The following CDC40 variants were observed in gnomAD, a reference collection of about 807,000 sequenced individuals.
The protein encoded by CDC40 is cell division cycle 40.
Under a neutral mutation model 80.6 loss-of-function variants are expected in CDC40, and 27 were observed. The ratio of observed to expected loss-of-function variants is 0.33; its 90% confidence interval spans 0.25 to 0.46. The LOEUF is 0.46. Among genes scored for constraint, CDC40 ranks in the 20% least tolerant of loss-of-function variants. The pLI is 1.00. For missense variants in CDC40, 486 were observed against 694.1 expected (o/e 0.70, Z 3.37); for synonymous variants, 221 against 232.6 (o/e 0.95, Z 0.45).
intron 1 of CDC40, among the ~76,000 whole-genome samples, chr6:110,181,589 T>G (rs1000496431): frequency 1.3e-5 from 2 of 152,272 alleles, no homozygotes; most frequent in Admixed American, 1.3e-4. Context: ...TGGACATCTG[T>G]CATGAAAGAA....
chr6:110,227,431 C>T (rs1249971833), intron 13 of CDC40, among the ~76,000 whole-genome samples: 1 of 152,082 alleles, frequency 6.6e-6, no homozygotes, highest in Non-Finnish European at 1.5e-5. Context: ...CTAACTGAAC[C>T]TTTTTTTGAT....
intron 2 of CDC40, among the ~76,000 whole-genome samples, chr6:110,197,682 A>AT (rs1183157988): frequency 1.5e-5 from 2 of 137,158 alleles, no homozygotes; most frequent in African/African-American, 5.5e-5. Context: ...GGATCATGTG[A>AT]TACTTGTCCC....
intron 1 of CDC40, among the ~76,000 whole-genome samples, chr6:110,183,476 G>C (rs1777226476): frequency 6.6e-6 from 1 of 152,200 alleles, no homozygotes; most frequent in African/African-American, 2.4e-5. Context: ...AGGAGGAAAG[G>C]CTGCGTAAGG....
rs902051938 is a variant in CDC40 at position 110,193,636 on chromosome 6, A to T, written c.276+368A>T. On this transcript the variant is annotated intron_variant, in intron 2 of 14. Transcript: ENST00000307731. ...TAGCCAGGATGGTCTCAATCTCCTG[A>T]CCTCATGATCCGCCCTCCTGGGCCT... Among the ~76,000 whole-genome samples the T allele has an allele frequency of 2.6e-5, 4 of 152,004 alleles. No individual in the cohort carries two copies. The East Asian group carries it at 7.7e-4, about 29-fold the overall frequency.
chr6:110,217,441 C>T (rs562274266), intron 9 of CDC40, among the ~76,000 whole-genome samples: 3 of 152,254 alleles, frequency 2.0e-5, no homozygotes, highest in African/African-American at 7.2e-5. Context: ...AAAGTTAAAC[C>T]TTTTCCTCTT....
At chr6:110,216,999 C>T (rs768706180) in intron 9 of CDC40, among the ~76,000 whole-genome samples, 7 of 152,006 alleles carry the variant, frequency 4.6e-5, no homozygotes, top group Non-Finnish European at 8.8e-5. Flanking sequence ...CCCAGCTACT[C>T]GAAAAGCTGA....
chr6:110,207,247 G>A (rs192659145), intron 3 of CDC40, among the ~76,000 whole-genome samples: 14 of 151,158 alleles, frequency 9.3e-5, no homozygotes, highest in African/African-American at 2.7e-4. Flanking sequence ...CCTGGAAGGC[G>A]GAGGTTGCAG....
intron 4 of CDC40, 78 bp from the exon 5 acceptor site, chr6:110,209,004 CAT>C (rs754307648): frequency 2.7e-5 from 23 of 863,670 alleles, no homozygotes; most frequent in Non-Finnish European, 3.7e-5. Flanking sequence ...TAAAATTAAA[CAT>C]ATGTTCATAT....
intron 1 of CDC40, among the ~76,000 whole-genome samples, chr6:110,188,475 A>G (rs1285377870): frequency 6.6e-6 from 1 of 152,210 alleles, no homozygotes; most frequent in African/African-American, 2.4e-5. Context: ...AGGGTGATAT[A>G]GATAATATTT....
chr6:110,225,452 T>G (rs1275452613), intron 12 of CDC40, among the ~76,000 whole-genome samples: 2 of 144,556 alleles, frequency 1.4e-5, no homozygotes, highest in African/African-American at 2.6e-5. Flanking sequence ...CACATGAGGT[T>G]TTTTTTTTTT....
chr6:110,228,919 T>G lies in CDC40; in HGVS notation c.1505T>G (p.Phe502Cys), dbSNP rs779945821. 7 of 1,607,692 alleles carry G rather than the reference T, an allele frequency of 4.4e-6. No homozygotes were observed. Among genetic ancestry groups the G allele is most frequent in the African/African-American group, 1.3e-5 (1 of 74,556 alleles). Residue 502 changes from phenylalanine to cysteine, a missense_variant, in exon 14 of 15, where the codon TTT becomes TGT. This residue lies in a region of CDC40 where 88 missense variants were observed against 138.7 expected (regional missense o/e 0.63). Coordinates refer to ENST00000307731, the MANE Select transcript of CDC40 (RefSeq NM_015891.3). Reference sequence around the variant, plus strand: ...TTTAGATTAAATAAGAAAAAAATTTTTAAGGGCCATATGGTAGCAGGCTAT... The same window carrying G: ...TTTAGATTAAATAAGAAAAAAATTTGTAAGGGCCATATGGTAGCAGGCTAT... ...NRFRLNKKKI[F>C]KGHMVAGYAC...
intron 3 of CDC40, among the ~76,000 whole-genome samples, chr6:110,204,800 C>T (rs1381531803): frequency 1.3e-5 from 2 of 151,520 alleles, no homozygotes; most frequent in Non-Finnish European, 2.9e-5. Flanking sequence ...GCTGGAATTA[C>T]AGGCATGAAC....
At position 110,201,588 on chromosome 6, in the gene CDC40, C is replaced by A. The variant is rs778044418; in HGVS notation, c.307C>A (p.Gln103Lys). 1.1e-5 allele frequency: 18 copies of A among 1,611,286 alleles called. No homozygotes were observed. The highest frequency in any genetic ancestry group is 1.4e-5 in the Non-Finnish European group (17 of 1,177,906). Residue 103 changes from glutamine to lysine, a missense_variant, in exon 3 of 15, where the codon CAA (glutamine) becomes AAA (lysine). Physicochemically the swap from Gln to Lys is moderately conservative, Grantham distance 53. Around this residue, in one of 3 missense-constraint regions of CDC40, gnomAD observed 381 missense variants for 492.1 expected, o/e 0.77. Coordinates refer to ENST00000307731, the MANE Select transcript of CDC40 (RefSeq NM_015891.3). ...ACCAGAAAATCCCTTTAGGACACAG[C>A]AAATGGCTGCCCCTAGAAATATGCT... ...FGPENPFRTQQMAAPRNMLSG... is the reference protein window; with the variant it reads ...FGPENPFRTQKMAAPRNMLSG...
At chr6:110,210,237 T>C (rs888789394) in intron 5 of CDC40, among the ~76,000 whole-genome samples, 3 of 151,610 alleles carry the variant, frequency 2.0e-5, no homozygotes, top group African/African-American at 7.3e-5. Context: ...ATTTCATAAT[T>C]TGTGGAAGAG....
intron 3 of CDC40, among the ~76,000 whole-genome samples, chr6:110,203,423 C>T (rs1777517754): frequency 6.6e-6 from 1 of 152,088 alleles, no homozygotes; most frequent in African/African-American, 2.4e-5. Context: ...CGTTACCTTC[C>T]CTCATTTGCA....
At position 110,217,777 on chromosome 6, in the gene CDC40, A is replaced by G. The variant is rs1470304977; in HGVS notation, c.1064A>G (p.Tyr355Cys). The stretch of plus-strand genomic sequence containing the variant: ...TTCCTCAGTGCAGCCTATGACAGGT[A>G]TCTTAAGCTCTGGGACACTGAGACA... ...TQFLSAAYDR[Y>C]LKLWDTETGQ... is the part of the protein sequence containing the mutation. The change falls in exon 10 of 15, where the codon TAT (tyrosine) becomes TGT (cysteine). Residue 355 changes from tyrosine (Y) to cysteine (C), a missense_variant. Around this residue, in one of 3 missense-constraint regions of CDC40, gnomAD observed 381 missense variants for 492.1 expected, o/e 0.77. Coordinates refer to ENST00000307731, the MANE Select transcript of CDC40 (RefSeq NM_015891.3). The G allele has an allele frequency of 3.1e-6, 5 of 1,591,066 alleles. No individual in the cohort carries two copies. The highest frequency in any genetic ancestry group is 4.3e-6 in the Non-Finnish European group (5 of 1,159,058).
At chr6:110,198,028 T>A (rs1206841375) in intron 2 of CDC40, among the ~76,000 whole-genome samples, 1 of 152,164 alleles carries the variant, frequency 6.6e-6, no homozygotes, top group Non-Finnish European at 1.5e-5. Flanking sequence ...TATACAAGTA[T>A]TCTCTTTTCT....
At chr6:110,225,218 C>A (rs1001073243) in intron 12 of CDC40, among the ~76,000 whole-genome samples, 3 of 152,126 alleles carry the variant, frequency 2.0e-5, no homozygotes, top group Non-Finnish European at 4.4e-5. Flanking sequence ...AGTATTGGAA[C>A]TTGAAACAGG....
At chr6:110,225,529 G>A (rs1027140954) in intron 12 of CDC40, among the ~76,000 whole-genome samples, 2 of 150,482 alleles carry the variant, frequency 1.3e-5, no homozygotes, top group Non-Finnish European at 2.9e-5. Flanking sequence ...AGATAGTCCA[G>A]GTACCAAGCA....
Sources: allele counts gnomAD v4.1 joint callset (sites outside exome capture counted in the v4.1 genomes callset), GRCh38; gene constraint gnomAD v4.1.1; regional missense constraint gnomAD v4.1.1; transcripts MANE v1.5; gene names NCBI Gene and HGNC (gene_info 2026-07-23, HGNC 2026-07-21).